The following RAB8B variants were observed in gnomAD, a reference collection of about 807,000 sequenced individuals.
RAB8B encodes the protein RAB8B, member RAS oncogene family.
A neutral mutation model predicts 32.0 loss-of-function variants in RAB8B; 11 were observed. That is an observed-to-expected ratio of 0.34 (90% confidence interval 0.22 to 0.57). RAB8B has a LOEUF of 0.57. RAB8B is among the 20% of genes least tolerant of loss of function. The probability of loss-of-function intolerance (pLI) is 0.86; values close to 1 mark genes in which losing one functional copy is unlikely to be tolerated. For missense variants in RAB8B, 190 were observed against 258.5 expected (o/e 0.73, Z 1.82); for synonymous variants, 103 against 89.6 (o/e 1.15, Z -0.85).
chr15:63,233,017 A>G (rs1015020232), intron 1 of RAB8B, among the ~76,000 whole-genome samples: 1 of 150,792 alleles, frequency 6.6e-6, no homozygotes, highest in Non-Finnish European at 1.5e-5. Context: ...ATGAAAGAAC[A>G]ATGCCTTGAC....
chr15:63,199,421 C>G (rs988688227), intron 1 of RAB8B, among the ~76,000 whole-genome samples: 4 of 152,078 alleles, frequency 2.6e-5, no homozygotes, highest in African/African-American at 9.7e-5. Flanking sequence ...GAACACAGAC[C>G]AGGGTGTTGT....
intron 1 of RAB8B, among the ~76,000 whole-genome samples, chr15:63,221,277 A>G (rs1378660170): frequency 6.6e-6 from 1 of 152,206 alleles, no homozygotes; most frequent in African/African-American, 2.4e-5. Context: ...GTAATTGTAG[A>G]GTTACATAAA....
At chr15:63,195,813 GA>G (rs768847158) in intron 1 of RAB8B, among the ~76,000 whole-genome samples, 1 of 152,198 alleles carries the variant, frequency 6.6e-6, no homozygotes, top group Non-Finnish European at 1.5e-5. Flanking sequence ...TGGGGAAGTA[GA>G]TTTTAGGTGG....
At chr15:63,241,204 G>A (rs1300792008) in intron 1 of RAB8B, among the ~76,000 whole-genome samples, 3 of 152,160 alleles carry the variant, frequency 2.0e-5, no homozygotes, top group Admixed American at 6.5e-5. Context: ...TTAACTGGGT[G>A]TAGTGGAGCA....
rs1489050559 is a variant in RAB8B at position 63,189,768 on chromosome 15, C to T, written c.124+20C>T. 3 of 1,585,176 alleles carry T rather than the reference C, an allele frequency of 1.9e-6. No homozygotes were observed. The African/African-American group carries it at 4.2e-5, about 22-fold the overall frequency. ...CCATCGGTGAGGGAGGGGCCGCGGC[C>T]CGGGACCGGGTAGAGAATTGGGGGG... On this transcript the variant is annotated intron_variant, in intron 1 of 7. Transcript: ENST00000321437.
At chr15:63,205,239 G>A (rs550642989) in intron 1 of RAB8B, among the ~76,000 whole-genome samples, 1 of 152,226 alleles carries the variant, frequency 6.6e-6, no homozygotes, top group African/African-American at 2.4e-5. Flanking sequence ...GATGGAAGTT[G>A]CAGTGAGCCG....
intron 1 of RAB8B, among the ~76,000 whole-genome samples, chr15:63,219,025 T>TA (rs2037819101): frequency 1.8e-5 from 2 of 113,048 alleles, no homozygotes; most frequent in African/African-American, 6.3e-5. Context: ...TTTTTTTTTT[T>TA]TTTTTTTTAG....
intron 1 of RAB8B, among the ~76,000 whole-genome samples, chr15:63,220,534 G>T (rs1233263578): frequency 2.6e-5 from 4 of 152,054 alleles, no homozygotes; most frequent in Admixed American, 2.0e-4. Flanking sequence ...ACATATAAGA[G>T]TAAGGAGGAG....
intron 6 of RAB8B, among the ~76,000 whole-genome samples, chr15:63,261,809 G>A (rs144897440): frequency 9.1e-4 from 138 of 152,328 alleles, no homozygotes; most frequent in African/African-American, 3.1e-3. Context: ...TTTAACAATA[G>A]GTTTAGCATG....
rs566270835 is a variant in RAB8B, at chr15:63,200,386, G to C, written c.124+10638G>C. Among the ~76,000 whole-genome samples, 5 of 152,320 alleles carry C rather than the reference G, an allele frequency of 3.3e-5. No individual in the cohort carries two copies. The East Asian group carries it at 9.6e-4, about 29-fold the overall frequency. ...TATTCTTTAAAATGTTTTGGTTTGAGTAATAAAGCTAAATATCACCAGAAA... is the reference window on the plus strand; with the variant it reads ...TATTCTTTAAAATGTTTTGGTTTGACTAATAAAGCTAAATATCACCAGAAA... On this transcript the variant is annotated intron_variant, in intron 1 of 7. Coordinates refer to ENST00000321437, the MANE Select transcript of RAB8B (RefSeq NM_016530.3).
intron 2 of RAB8B, among the ~76,000 whole-genome samples, chr15:63,247,501 AT>A (rs202208991): frequency 6.6e-6 from 1 of 152,128 alleles, no homozygotes; most frequent in Admixed American, 6.5e-5. Context: ...CTCTTCTTAG[AT>A]TTTTTTTAAC....
At chr15:63,193,047 A>AC (rs2037571444) in intron 1 of RAB8B, among the ~76,000 whole-genome samples, 1 of 151,936 alleles carries the variant, frequency 6.6e-6, no homozygotes, top group Admixed American at 6.6e-5. Flanking sequence ...ACATAGCAAG[A>AC]CCCCATCTCT....
At position 63,189,713 on chromosome 15, in the gene RAB8B, A is replaced by G; in HGVS notation, c.89A>G (p.Glu30Gly). ...GKTCLLFRFS[E>G]DAFNTTFIST... ...ACCTGCCTCCTGTTCCGCTTCTCAG[A>G]GGACGCCTTCAACACCACCTTCATC... Residue 30 changes from glutamate (E) to glycine (G), a missense_variant, in exon 1 of 8, where the codon GAG becomes GGG. Glu to Gly is a moderately conservative substitution (Grantham distance 98, BLOSUM62 -2). Transcript: ENST00000321437. 6.3e-7 allele frequency: 1 copy of G among 1,597,636 alleles called. No homozygotes were observed. Among genetic ancestry groups the G allele is most frequent in the Non-Finnish European group, 8.5e-7 (1 of 1,170,576 alleles).
At chr15:63,262,008 G>C (rs1285784983) in intron 6 of RAB8B, among the ~76,000 whole-genome samples, 2 of 152,150 alleles carry the variant, frequency 1.3e-5, no homozygotes, top group Non-Finnish European at 1.5e-5. Flanking sequence ...GGAACTGTTG[G>C]GATTTTGGAG....
At chr15:63,238,108 C>CTA (rs1172694953) in intron 1 of RAB8B, among the ~76,000 whole-genome samples, 5 of 151,958 alleles carry the variant, frequency 3.3e-5, no homozygotes, top group Non-Finnish European at 1.5e-5. Context: ...TATTTTTATG[C>CTA]TAGTACCATG....
At chr15:63,225,808 G>T (rs1385473803) in intron 1 of RAB8B, among the ~76,000 whole-genome samples, 2 of 151,936 alleles carry the variant, frequency 1.3e-5, no homozygotes, top group African/African-American at 4.8e-5. Flanking sequence ...TAGCTCATTG[G>T]CAAGAAGAAT....
At chr15:63,199,077 G>A (rs1378863767) in intron 1 of RAB8B, among the ~76,000 whole-genome samples, 1 of 151,968 alleles carries the variant, frequency 6.6e-6, no homozygotes, top group Non-Finnish European at 1.5e-5. Context: ...ATTCTTTATT[G>A]AGAGTCAACT....
At chr15:63,229,236 A>G (rs982018798) in intron 1 of RAB8B, among the ~76,000 whole-genome samples, 1 of 152,194 alleles carries the variant, frequency 6.6e-6, no homozygotes, top group Non-Finnish European at 1.5e-5. Context: ...AAGTATTTCT[A>G]TGCATGCCTA....
At chr15:63,209,143 G>A (rs1286475725) in intron 1 of RAB8B, among the ~76,000 whole-genome samples, 7 of 151,606 alleles carry the variant, frequency 4.6e-5, no homozygotes, top group African/African-American at 7.3e-5. Flanking sequence ...TACCTGCCTC[G>A]GCCTCCCAAA....
Sources: allele counts gnomAD v4.1 joint callset (sites outside exome capture counted in the v4.1 genomes callset), GRCh38; gene constraint gnomAD v4.1.1; transcripts MANE v1.5; gene names NCBI Gene and HGNC (gene_info 2026-07-23, HGNC 2026-07-21).